EPHA5: variants seen among roughly 807,000 people sequenced by gnomAD.
EPHA5 encodes the protein EPH receptor A5, also known as ephrin type-A receptor 5.
In EPHA5, 60 loss-of-function variants were observed where a neutral mutation model predicts 105.0. The ratio of observed to expected loss-of-function variants is 0.57; its 90% CI spans 0.46 to 0.71. The LOEUF (loss-of-function observed/expected upper bound fraction) is 0.71, where lower values mean the gene tolerates loss of function less well. EPHA5 is among the 30% of genes least tolerant of loss of function. The pLI, the probability that EPHA5 is intolerant of heterozygous loss-of-function variation, is 0.00. For synonymous variants in EPHA5, 513 were observed against 449.1 expected (o/e 1.14, Z -1.80); for missense variants, 1,218 against 1,274.7 (o/e 0.96, Z 0.68).
At chr4:65,384,166 G>A (rs1412237100) in intron 8 of EPHA5, among the ~76,000 whole-genome samples, 1 of 151,852 alleles carries the variant, frequency 6.6e-6, no homozygotes, top group African/African-American at 2.4e-5. Context: ...CATGCCATAT[G>A]CACTCATACC....
intron 3 of EPHA5, among the ~76,000 whole-genome samples, chr4:65,526,910 G>T (rs940869462): frequency 4.0e-5 from 6 of 151,792 alleles, no homozygotes; most frequent in Non-Finnish European, 7.4e-5. Flanking sequence ...CACATTAACA[G>T]AAATTTTAGA....
intron 3 of EPHA5, among the ~76,000 whole-genome samples, chr4:65,588,425 T>C (rs1578506700): frequency 1.3e-5 from 2 of 152,164 alleles, no homozygotes; most frequent in East Asian, 3.9e-4. Context: ...TTTCGTTCCA[T>C]TCCCTGTAAG....
At chr4:65,357,456 C>G (rs1236407577) in intron 11 of EPHA5, among the ~76,000 whole-genome samples, 1 of 151,438 alleles carries the variant, frequency 6.6e-6, no homozygotes, top group Non-Finnish European at 1.5e-5. Context: ...ACTTGGGAAT[C>G]ACAAATATGT....
At chr4:65,576,026 GA>G (rs1178164776) in intron 3 of EPHA5, among the ~76,000 whole-genome samples, 5 of 75,984 alleles carry the variant, frequency 6.6e-5, no homozygotes, top group African/African-American at 2.4e-4. Flanking sequence ...AAGAAAGAAA[GA>G]AAGAAAGAAA....
At chr4:65,446,975 ATT>A (rs397993760) in intron 5 of EPHA5, among the ~76,000 whole-genome samples, 281 of 112,904 alleles carry the variant, frequency 2.5e-3, no homozygotes, top group African/African-American at 6.2e-3. Flanking sequence ...TTAAAAGCTC[ATT>A]TTTTTTTTTT....
chr4:65,462,683 C>A (rs1728242611), intron 5 of EPHA5, among the ~76,000 whole-genome samples: 1 of 152,086 alleles, frequency 6.6e-6, no homozygotes, highest in Admixed American at 6.6e-5. Context: ...CTCAACGTTC[C>A]AAGAAGGTGG....
At chr4:65,357,057 A>T (rs1723368174) in intron 11 of EPHA5, among the ~76,000 whole-genome samples, 2 of 151,450 alleles carry the variant, frequency 1.3e-5, no homozygotes, top group Admixed American at 6.6e-5. Flanking sequence ...ACTTTATATT[A>T]TTTACTGAAG....
At chr4:65,408,180 ATTT>A (rs1722552543) in intron 7 of EPHA5, among the ~76,000 whole-genome samples, 9 of 152,118 alleles carry the variant, frequency 5.9e-5, no homozygotes, top group Admixed American at 5.9e-4. Flanking sequence ...AAAATAAATA[ATTT>A]ACAGGGTACT....
In EPHA5 at chr4:65,440,499, T is replaced by TACACACACACACAC. The variant is rs71657410; in HGVS notation, c.1403-19948_1403-19935dup. Among the ~76,000 whole-genome samples the TACACACACACACAC allele has an allele frequency of 7.8e-3, 1,116 of 143,386 alleles. 14 individuals are homozygous for TACACACACACACAC. The highest frequency in any genetic ancestry group is 0.017 in the Admixed American group (243 of 14,064). 94.1% of individuals were successfully genotyped at this position (143,386 alleles called of 152,430 possible). On this transcript the variant is annotated intron_variant, in intron 5 of 16. Coordinates refer to ENST00000613740, the MANE Select transcript of EPHA5 (RefSeq NM_001281766.3). ...TTCAACTTATACTTTTCCTAAATCT[T>TACACACACACACAC]ACACACACACACACACACACACACA...
intron 3 of EPHA5, among the ~76,000 whole-genome samples, chr4:65,534,279 A>T (rs901060489): frequency 3.3e-5 from 5 of 152,190 alleles, no homozygotes; most frequent in South Asian, 4.1e-4. Flanking sequence ...AATTAAAGCA[A>T]AAACTCAATA....
intron 2 of EPHA5, among the ~76,000 whole-genome samples, chr4:65,638,597 G>C (rs1221842795): frequency 6.6e-6 from 1 of 152,018 alleles, no homozygotes; most frequent in African/African-American, 2.4e-5. Context: ...AAATTAGCCG[G>C]GTGTGGTGGC....
chr4:65,395,408 G>T (rs1173296527), intron 8 of EPHA5, among the ~76,000 whole-genome samples: 1 of 152,160 alleles, frequency 6.6e-6, no homozygotes, highest in African/African-American at 2.4e-5. Context: ...ATGGATAATT[G>T]TGAAGACGTC....
intron 3 of EPHA5, among the ~76,000 whole-genome samples, chr4:65,557,503 C>A (rs1322125043): frequency 6.6e-6 from 1 of 151,364 alleles, no homozygotes; most frequent in African/African-American, 2.4e-5. Context: ...GCACTGAAAC[C>A]ACACCAGTAA....
At chr4:65,535,715 G>T (rs937148158) in intron 3 of EPHA5, among the ~76,000 whole-genome samples, 3 of 151,904 alleles carry the variant, frequency 2.0e-5, no homozygotes, top group Non-Finnish European at 4.4e-5. Flanking sequence ...ATGAAAAATA[G>T]CACCATATTA....
intron 5 of EPHA5, among the ~76,000 whole-genome samples, chr4:65,452,149 T>C (rs1020691266): frequency 6.6e-6 from 1 of 152,150 alleles, no homozygotes; most frequent in Admixed American, 6.6e-5. Context: ...TTTCATGGAC[T>C]TTCAGCTTTT....
At chr4:65,645,185 A>T (rs543742799) in intron 1 of EPHA5, among the ~76,000 whole-genome samples, 2 of 152,204 alleles carry the variant, frequency 1.3e-5, no homozygotes, top group Non-Finnish European at 2.9e-5. Flanking sequence ...CATGGGAATA[A>T]GGCTACATTA....
chr4:65,354,109 G>A (rs1290715625), intron 11 of EPHA5, among the ~76,000 whole-genome samples: 1 of 151,666 alleles, frequency 6.6e-6, no homozygotes, highest in Non-Finnish European at 1.5e-5. Flanking sequence ...GGATAGCAAT[G>A]GCGCCTACCT....
At chr4:65,666,231 C>A (rs1749954430) in intron 1 of EPHA5, among the ~76,000 whole-genome samples, 1 of 152,124 alleles carries the variant, frequency 6.6e-6, no homozygotes, top group African/African-American at 2.4e-5. Context: ...CATTCAGAGA[C>A]AAGAAACTGG....
At chr4:65,528,244 TGA>T (rs1232808204) in intron 3 of EPHA5, among the ~76,000 whole-genome samples, 1 of 152,138 alleles carries the variant, frequency 6.6e-6, no homozygotes, top group African/African-American at 2.4e-5. Flanking sequence ...ATAGGTGCTC[TGA>T]GTCAAAACAT....
Sources: allele counts gnomAD v4.1 joint callset (sites outside exome capture counted in the v4.1 genomes callset), GRCh38; gene constraint gnomAD v4.1.1; transcripts MANE v1.5; gene names NCBI Gene and HGNC (gene_info 2026-07-23, HGNC 2026-07-21).